Variants in COLGALT2 observed in about 807,000 individuals in gnomAD.
The protein encoded by COLGALT2 is collagen beta(1-O)galactosyltransferase 2.
COLGALT2 carries 49 observed loss-of-function variants against 73.4 expected under a neutral mutation model. That is an observed-to-expected ratio of 0.67 (90% CI 0.53 to 0.85). The LOEUF (loss-of-function observed/expected upper bound fraction) is 0.85. COLGALT2 is among the 40% of genes least tolerant of loss of function. The pLI, the probability that COLGALT2 is intolerant of heterozygous loss-of-function variation, is 0.00. For missense variants in COLGALT2, 722 were observed against 790.2 expected, an observed-to-expected ratio of 0.91 and a Z score of 1.03; for synonymous variants, 295 against 307.6, an observed-to-expected ratio of 0.96 and a Z score of 0.43.
At chr1:184,032,218 T>G (rs940208288) in intron 1 of COLGALT2, among the ~76,000 whole-genome samples, 2 of 152,166 alleles carry the variant, frequency 1.3e-5, no homozygotes, top group African/African-American at 4.8e-5. Flanking sequence ...TATACTAATA[T>G]TTTTTGTTGT....
rs771619305 is a variant in COLGALT2 at position 183,975,129 on chromosome 1, T to C, written c.460A>G (p.Thr154Ala). The change falls in exon 3 of 12, where the codon ACT becomes GCT. Residue 154 changes from threonine to alanine, a missense_variant. Thr to Ala is a moderately conservative substitution (Grantham distance 58, BLOSUM62 0). Transcript: ENST00000361927. ...TAGTCTGACCATTTTTCCCTCGCAG[T>C]TCGAAGGGCTGCCTGTCGTAGTTTC... ...VMKLRQAALR[T>A]AREKWSDYIL... The C allele has an allele frequency of 1.3e-5, 21 of 1,613,962 alleles. No homozygotes were observed. The highest frequency in any genetic ancestry group is 1.6e-5 in the Non-Finnish European group (19 of 1,179,954).
chr1:184,023,912 A>G (rs75359439), intron 1 of COLGALT2, among the ~76,000 whole-genome samples: 2,121 of 152,176 alleles, frequency 0.014, 53 homozygotes, highest in African/African-American at 0.047. Flanking sequence ...AAAAGATAGC[A>G]TTTTCACTCA....
chr1:183,972,576 A>G (rs1189123111), intron 4 of COLGALT2, among the ~76,000 whole-genome samples: 1 of 147,358 alleles, frequency 6.8e-6, no homozygotes, highest in Non-Finnish European at 1.5e-5. Flanking sequence ...AAATAATAAA[A>G]AATCAAACCT....
intron 1 of COLGALT2, among the ~76,000 whole-genome samples, chr1:184,004,654 G>A (rs577724721): frequency 6.6e-6 from 1 of 152,270 alleles, no homozygotes; most frequent in African/African-American, 2.4e-5. Context: ...CAAACATCCT[G>A]AGGGACAATG....
intron 1 of COLGALT2, among the ~76,000 whole-genome samples, chr1:184,003,603 C>T (rs1160615015): frequency 6.6e-6 from 1 of 152,150 alleles, no homozygotes; most frequent in Admixed American, 6.5e-5. Flanking sequence ...CTGCTGTGCC[C>T]TTTATGAATT....
At chr1:183,971,237 G>C (rs1015443603) in intron 4 of COLGALT2, among the ~76,000 whole-genome samples, 1 of 152,160 alleles carries the variant, frequency 6.6e-6, no homozygotes, top group Non-Finnish European at 1.5e-5. Flanking sequence ...TGGGAACCAG[G>C]TCCTGCTTTG....
At position 184,037,454 on chromosome 1, in the gene COLGALT2, AG is replaced by A; in HGVS notation, c.-98del. The A allele has an allele frequency of 8.2e-7, 1 of 1,217,892 alleles. No homozygotes were observed. Among genetic ancestry groups the A allele is most frequent in the Non-Finnish European group, 1.0e-6 (1 of 980,700 alleles). The allele number at this position is 1,217,892 out of a possible 1,614,324, so 75.4% of individuals were successfully genotyped here. A position where few individuals can be genotyped will look rare whatever the true frequency, so the allele number is the denominator to read the frequency against. ...GGCTGCCGGGGAGCAAGGGGCTGCG[AG>A]GGGCGGCCGGGGGATGCGGCTTGCC... is the stretch of plus-strand genomic sequence containing the variant. On this transcript the variant is annotated 5_prime_UTR_variant, in exon 1 of 12. Transcript: ENST00000361927.
At chr1:183,983,048 C>CAG (rs1671395379) in intron 1 of COLGALT2, among the ~76,000 whole-genome samples, 1 of 152,180 alleles carries the variant, frequency 6.6e-6, no homozygotes, top group African/African-American at 2.4e-5. Flanking sequence ...CTGGAGTATG[C>CAG]AGAGGTACAG....
intron 1 of COLGALT2, among the ~76,000 whole-genome samples, chr1:184,027,340 CAAG>C (rs953073449): frequency 2.0e-5 from 3 of 152,142 alleles, no homozygotes; most frequent in African/African-American, 7.2e-5. Flanking sequence ...GTTCCCAAAC[CAAG>C]AAGAAGTGCA....
chr1:183,964,020 C>A lies in COLGALT2; in HGVS notation c.833G>T (p.Gly278Val). The change falls in exon 6 of 12, where the codon GGC becomes GTC. Residue 278 changes from glycine (G) to valine (V), a missense_variant and splice_region_variant. Physicochemically the swap from Gly to Val is moderately radical, Grantham distance 109. Coordinates refer to ENST00000361927, the MANE Select transcript of COLGALT2 (RefSeq NM_015101.4). Reference sequence around the variant, plus strand: ...TCTGTTGCAGAGGTACATCTGGATGCCTGAGGATCCAAGAGAGGGACAAAG... The same window carrying A: ...TCTGTTGCAGAGGTACATCTGGATGACTGAGGATCCAAGAGAGGGACAAAG... ...IVFAFSSRQAGIQMYLCNREH... is the reference protein window; with the variant it reads ...IVFAFSSRQAVIQMYLCNREH... 6.2e-7 allele frequency: 1 copy of A among 1,612,636 alleles called. No individual in the cohort carries two copies. The highest frequency in any genetic ancestry group is 8.5e-7 in the Non-Finnish European group (1 of 1,179,294).
chr1:183,985,643 C>T (rs545642060), intron 1 of COLGALT2, among the ~76,000 whole-genome samples: 1 of 152,308 alleles, frequency 6.6e-6, no homozygotes, highest in African/African-American at 2.4e-5. Flanking sequence ...CCCTGCCACA[C>T]CCGAGAAAGT....
intron 1 of COLGALT2, among the ~76,000 whole-genome samples, chr1:183,985,835 C>G (rs2102825879): frequency 6.6e-6 from 1 of 152,300 alleles, no homozygotes; most frequent in South Asian, 2.1e-4. Flanking sequence ...CAATCCTCAC[C>G]ATGACTAGTG....
intron 1 of COLGALT2, among the ~76,000 whole-genome samples, chr1:184,031,527 T>C (rs1649509902): frequency 6.6e-6 from 1 of 152,212 alleles, no homozygotes; most frequent in East Asian, 1.9e-4. Flanking sequence ...GTTCTTATCT[T>C]CCCAAGTTGG....
chr1:184,014,355 A>G (rs1396423495), intron 1 of COLGALT2, among the ~76,000 whole-genome samples: 1 of 152,228 alleles, frequency 6.6e-6, no homozygotes, highest in Non-Finnish European at 1.5e-5. Context: ...ACTGGTCCAC[A>G]TGATTGAATG....
chr1:183,979,361 G>A (rs1288619096), intron 1 of COLGALT2, among the ~76,000 whole-genome samples: 2 of 152,064 alleles, frequency 1.3e-5, no homozygotes, highest in African/African-American at 4.8e-5. Context: ...GACAACAAAC[G>A]AGGTAGAATT....
intron 5 of COLGALT2, among the ~76,000 whole-genome samples, chr1:183,967,901 C>T (rs1314673095): frequency 6.6e-6 from 1 of 152,186 alleles, no homozygotes; most frequent in Non-Finnish European, 1.5e-5. Context: ...ATAAGGGCTA[C>T]AAAATGCCTA....
intron 10 of COLGALT2, among the ~76,000 whole-genome samples, chr1:183,943,618 C>T (rs990462046): frequency 2.6e-5 from 4 of 152,150 alleles, no homozygotes; most frequent in African/African-American, 9.7e-5. Flanking sequence ...TCAGAGCCAG[C>T]ACTCCCTTGG....
intron 4 of COLGALT2, among the ~76,000 whole-genome samples, chr1:183,972,956 C>T (rs1401006057): frequency 6.6e-6 from 1 of 152,164 alleles, no homozygotes; most frequent in African/African-American, 2.4e-5. Context: ...GCCTTGGCCT[C>T]CCAAAGTGCT....
intron 1 of COLGALT2, among the ~76,000 whole-genome samples, chr1:184,028,828 G>A (rs973689998): frequency 6.6e-6 from 1 of 152,190 alleles, no homozygotes; most frequent in Admixed American, 6.5e-5. Context: ...AGAAAACACT[G>A]GAGGGAAGGA....
Sources: gnomAD v4.1 joint callset for allele counts (sites outside exome capture counted in the v4.1 genomes callset) on GRCh38, gnomAD v4.1.1 for gene constraint, MANE v1.5 for transcripts, NCBI Gene and HGNC (gene_info 2026-07-23, HGNC 2026-07-21) for gene names.